GALNTL6: variants seen among roughly 807,000 people sequenced by gnomAD.
The protein encoded by GALNTL6 is polypeptide N-acetylgalactosaminyltransferase-like 6.
In GALNTL6, 46 loss-of-function variants were observed where a neutral mutation model predicts 73.7. The ratio of observed to expected loss-of-function variants is 0.62; its 90% CI spans 0.49 to 0.80. GALNTL6 has a LOEUF of 0.80. GALNTL6 is among the 30% of genes least tolerant of loss of function. The pLI is 0.00. For synonymous variants in GALNTL6, 259 were observed against 263.7 expected, an observed-to-expected ratio of 0.98 and a Z score of 0.17; for missense variants, 604 against 755.0, an observed-to-expected ratio of 0.80 and a Z score of 2.34.
At chr4:172,437,736 G>A (rs1731685237) in intron 5 of GALNTL6, among the ~76,000 whole-genome samples, 1 of 152,054 alleles carries the variant, frequency 6.6e-6, no homozygotes, top group Non-Finnish European at 1.5e-5. Flanking sequence ...AAGTCACACA[G>A]ACCCTTATCT....
rs1288818646 is a variant in GALNTL6, at chr4:172,505,047, C to T, written c.553+156358C>T. On this transcript the variant is annotated intron_variant, in intron 5 of 12. Coordinates refer to ENST00000506823, the MANE Select transcript of GALNTL6 (RefSeq NM_001034845.3). ...AATGTCATTTTCAAGTTATGCATTT[C>T]AGGTAAATTCAATTACTTTTTTCCC... Among the ~76,000 whole-genome samples, 8 of 54,852 alleles carry T rather than the reference C, an allele frequency of 1.5e-4. 3 individuals carry two copies. Among genetic ancestry groups the T allele is most frequent in the African/African-American group, 3.6e-4 (8 of 22,052 alleles). 36.0% of individuals were successfully genotyped at this position (54,852 alleles called of 152,430 possible).
intron 5 of GALNTL6, among the ~76,000 whole-genome samples, chr4:172,501,816 C>T (rs554538261): frequency 1.3e-5 from 2 of 152,228 alleles, no homozygotes; most frequent in South Asian, 2.1e-4. Context: ...CTATAGTTGA[C>T]TATAGTTGGT....
chr4:172,714,159 C>T (rs900515096), intron 5 of GALNTL6, among the ~76,000 whole-genome samples: 4 of 152,120 alleles, frequency 2.6e-5, no homozygotes, highest in Non-Finnish European at 5.9e-5. Context: ...TGTTTTTGTT[C>T]TAAACTATAA....
At chr4:172,844,364 C>T (rs1743376979) in intron 7 of GALNTL6, among the ~76,000 whole-genome samples, 1 of 152,164 alleles carries the variant, frequency 6.6e-6, no homozygotes, top group African/African-American at 2.4e-5. Context: ...CTGTTAATAT[C>T]TTCATTTCAC....
chr4:172,160,714 T>C (rs1236385804), intron 2 of GALNTL6, among the ~76,000 whole-genome samples: 1 of 151,858 alleles, frequency 6.6e-6, no homozygotes, highest in Non-Finnish European at 1.5e-5. Flanking sequence ...CATATATATG[T>C]GTATATACCT....
chr4:172,250,364 A>G (rs1737816966), intron 3 of GALNTL6, among the ~76,000 whole-genome samples: 1 of 152,066 alleles, frequency 6.6e-6, no homozygotes, highest in South Asian at 2.1e-4. Context: ...GAAACCTTGG[A>G]CTTGGACTTT....
At chr4:172,041,951 C>T (rs950899218) in intron 2 of GALNTL6, among the ~76,000 whole-genome samples, 2 of 152,042 alleles carry the variant, frequency 1.3e-5, no homozygotes, top group African/African-American at 2.4e-5. Flanking sequence ...TCTTGGATTA[C>T]TCAACTCCAG....
intron 9 of GALNTL6, among the ~76,000 whole-genome samples, chr4:172,949,734 C>G (rs989592106): frequency 6.6e-6 from 1 of 151,400 alleles, no homozygotes; most frequent in African/African-American, 2.4e-5. Flanking sequence ...ACAGTGAAAC[C>G]CCATCTCTAC....
At chr4:172,847,262 T>A (rs920531117) in intron 7 of GALNTL6, among the ~76,000 whole-genome samples, 1 of 152,184 alleles carries the variant, frequency 6.6e-6, no homozygotes, top group African/African-American at 2.4e-5. Context: ...ATTTGAGTTC[T>A]TATCAACTAT....
chr4:172,555,195 A>G (rs935572876), intron 5 of GALNTL6, among the ~76,000 whole-genome samples: 1 of 152,182 alleles, frequency 6.6e-6, no homozygotes, highest in African/African-American at 2.4e-5. Flanking sequence ...TATCAACTTA[A>G]TGCCTTTAAA....
chr4:171,962,632 G>A (rs1057047069), intron 2 of GALNTL6, among the ~76,000 whole-genome samples: 11 of 151,926 alleles, frequency 7.2e-5, no homozygotes, highest in African/African-American at 2.7e-4. Context: ...GAAAACTCAT[G>A]AATAATCCAC....
chr4:172,713,242 G>A (rs1579379451), intron 5 of GALNTL6, among the ~76,000 whole-genome samples: 1 of 89,360 alleles, frequency 1.1e-5, no homozygotes, highest in African/African-American at 6.4e-5. Context: ...GTGTGTGTGT[G>A]TGTGTGTGTG....
At chr4:172,259,349 A>G (rs192917193) in intron 3 of GALNTL6, among the ~76,000 whole-genome samples, 1 of 151,420 alleles carries the variant, frequency 6.6e-6, no homozygotes, top group East Asian at 1.9e-4. Context: ...GCATTACCCT[A>G]ATAGTTAATG....
chr4:172,159,888 G>A (rs1033263526), intron 2 of GALNTL6, among the ~76,000 whole-genome samples: 1 of 152,120 alleles, frequency 6.6e-6, no homozygotes, highest in African/African-American at 2.4e-5. Flanking sequence ...AGTAATACAG[G>A]TGAGAAATGA....
intron 2 of GALNTL6, among the ~76,000 whole-genome samples, chr4:172,086,263 G>A (rs1425693982): frequency 6.6e-6 from 1 of 151,996 alleles, no homozygotes; most frequent in Non-Finnish European, 1.5e-5. Flanking sequence ...AATTATACAT[G>A]AAGATCTATT....
chr4:172,031,412 G>A (rs1414617978), intron 2 of GALNTL6, among the ~76,000 whole-genome samples: 4 of 152,028 alleles, frequency 2.6e-5, no homozygotes, highest in South Asian at 2.1e-4. Flanking sequence ...CTTACAAGAC[G>A]TGCTCCTTAA....
At chr4:172,200,688 GACA>G (rs1735923694) in intron 2 of GALNTL6, among the ~76,000 whole-genome samples, 2 of 152,182 alleles carry the variant, frequency 1.3e-5, no homozygotes, top group Admixed American at 1.3e-4. Context: ...GTAAATGTGT[GACA>G]ACATCTACCT....
chr4:172,264,466 C>A (rs1738364015), intron 3 of GALNTL6, among the ~76,000 whole-genome samples: 1 of 87,498 alleles, frequency 1.1e-5, no homozygotes, highest in Non-Finnish European at 2.1e-5. Flanking sequence ...ATAATATATT[C>A]CAAATATATA....
At chr4:171,843,785 A>G (rs1168702135) in intron 2 of GALNTL6, among the ~76,000 whole-genome samples, 1 of 152,212 alleles carries the variant, frequency 6.6e-6, no homozygotes, top group Non-Finnish European at 1.5e-5. Flanking sequence ...TTCACAGAAC[A>G]TGCTATAAAT....
Sources: gnomAD v4.1 joint callset for allele counts (sites outside exome capture counted in the v4.1 genomes callset) on GRCh38, gnomAD v4.1.1 for gene constraint, MANE v1.5 for transcripts, NCBI Gene and HGNC (gene_info 2026-07-23, HGNC 2026-07-21) for gene names.